PSMD14: variants seen among roughly 807,000 people sequenced by gnomAD.
PSMD14 encodes the protein proteasome 26S subunit, non-ATPase 14, also known as ubiquitin C-terminal hydrolase PSMD14.
A neutral mutation model predicts 41.2 loss-of-function variants in PSMD14; 7 were observed. The ratio of observed to expected loss-of-function variants is 0.17; its 90% CI spans 0.10 to 0.32. PSMD14 has a LOEUF of 0.32. Ranked by LOEUF, PSMD14 falls within the 10% of genes least tolerant of loss-of-function variation. PSMD14 has a pLI of 1.00. For missense variants in PSMD14, 139 were observed against 375.6 expected, an observed-to-expected ratio of 0.37 and a Z score of 5.21; for synonymous variants, 114 against 122.3, an observed-to-expected ratio of 0.93 and a Z score of 0.45.
chr2:161,357,562 G>T (rs79780609), intron 3 of PSMD14, among the ~76,000 whole-genome samples: 1,552 of 152,208 alleles, frequency 0.01, 21 homozygotes, highest in African/African-American at 0.034. Context: ...AATTATTTCA[G>T]TTCCTTGTTT....
At chr2:161,340,332 AC>A (rs1037011967) in intron 3 of PSMD14, among the ~76,000 whole-genome samples, 9 of 152,184 alleles carry the variant, frequency 5.9e-5, no homozygotes, top group Admixed American at 5.9e-4. Flanking sequence ...GGGTCGGCTG[AC>A]CACCCTGACG....
chr2:161,337,805 G>A (rs548721027), intron 3 of PSMD14, among the ~76,000 whole-genome samples: 2 of 152,154 alleles, frequency 1.3e-5, no homozygotes, highest in African/African-American at 4.8e-5. Context: ...GGAGATAAGG[G>A]TTCTGGTTCT....
chr2:161,363,703 GA>G (rs558666469), intron 3 of PSMD14, among the ~76,000 whole-genome samples: 2 of 152,182 alleles, frequency 1.3e-5, no homozygotes, highest in Non-Finnish European at 2.9e-5. Flanking sequence ...CTGTAGCTGT[GA>G]AATGGGAAAA....
rs186899255 is a variant in PSMD14, at chr2:161,364,864, G to A, written c.49-2614G>A. Reference sequence around the variant, plus strand: ...CACGCCTGTAATGCTAGCACTTTGGGAGACTAAGGCGGGTGGATTGCTTGA... The same window carrying A: ...CACGCCTGTAATGCTAGCACTTTGGAAGACTAAGGCGGGTGGATTGCTTGA... On this transcript the variant is annotated intron_variant, in intron 3 of 11. Coordinates refer to ENST00000409682, the MANE Select transcript of PSMD14 (RefSeq NM_005805.6). 2.0e-3 allele frequency among the ~76,000 whole-genome samples: 306 copies of A among 152,240 alleles called. 1 individual carries two copies. The highest frequency in any genetic ancestry group is 3.5e-3 in the Non-Finnish European group (236 of 68,008).
intron 3 of PSMD14, among the ~76,000 whole-genome samples, chr2:161,327,061 G>A (rs1682709936): frequency 6.6e-6 from 1 of 152,102 alleles, no homozygotes; most frequent in African/African-American, 2.4e-5. Context: ...TCTGACATAT[G>A]CTACAACATG....
At chr2:161,338,979 AT>A (rs920253471) in intron 3 of PSMD14, among the ~76,000 whole-genome samples, 30 of 151,920 alleles carry the variant, frequency 2.0e-4, no homozygotes, top group African/African-American at 6.8e-4. Flanking sequence ...TTCATATTTC[AT>A]TTTTTTTGCT....
In PSMD14 at chr2:161,395,222, A is replaced by G; in HGVS notation, c.771+19A>G. ...CAATAAGGTAAAAGTTACTTCTGCC[A>G]TTTCTTCTTTATAATCTTTGGAATA... On this transcript the variant is annotated intron_variant, in intron 10 of 11. Coordinates refer to ENST00000409682, the MANE Select transcript of PSMD14 (RefSeq NM_005805.6). The G allele has an allele frequency of 1.3e-6, 2 of 1,550,292 alleles. No individual in the cohort carries two copies. Among genetic ancestry groups the G allele is most frequent in the Non-Finnish European group, 1.8e-6 (2 of 1,142,454 alleles).
intron 3 of PSMD14, among the ~76,000 whole-genome samples, chr2:161,353,388 C>G (rs1476900432): frequency 6.6e-6 from 1 of 152,164 alleles, no homozygotes; most frequent in African/African-American, 2.4e-5. Context: ...AAGTCACATC[C>G]TCAGAAAAAC....
intron 3 of PSMD14, chr2:161,341,358 C>T (rs1309757994): frequency 1.8e-5 from 18 of 980,676 alleles, no homozygotes; most frequent in African/African-American, 1.8e-5. Flanking sequence ...CGGCCAGCTG[C>T]GACCCCGAGG....
rs143766680 is a variant in PSMD14 at position 161,394,359 on chromosome 2, G to C, written c.646-719G>C. 5.9e-4 allele frequency among the ~76,000 whole-genome samples: 89 copies of C among 152,100 alleles called. 1 individual carries two copies. In the East Asian group the frequency reaches 0.014, roughly 23 times the overall value. On this transcript the variant is annotated intron_variant, in intron 9 of 11. Coordinates refer to ENST00000409682, the MANE Select transcript of PSMD14 (RefSeq NM_005805.6). ...GTTTTAAGTTTTTAAATTATAGATG[G>C]AATACCAGAATTTGAAGGAAACTTT...
At chr2:161,320,526 T>C (rs972169954) in intron 3 of PSMD14, among the ~76,000 whole-genome samples, 1 of 152,284 alleles carries the variant, frequency 6.6e-6, no homozygotes, top group East Asian at 1.9e-4. Flanking sequence ...CTCAATTAGA[T>C]GATAAACTCT....
At chr2:161,379,294 T>C (rs1304563611) in intron 7 of PSMD14, among the ~76,000 whole-genome samples, 1 of 152,004 alleles carries the variant, frequency 6.6e-6, no homozygotes, top group Non-Finnish European at 1.5e-5. Context: ...AGCTTATTAG[T>C]AGTGCCCTGA....
At chr2:161,375,488 C>A (rs1013140432) in intron 7 of PSMD14, among the ~76,000 whole-genome samples, 1 of 151,906 alleles carries the variant, frequency 6.6e-6, no homozygotes, top group Non-Finnish European at 1.5e-5. Flanking sequence ...GTAGGTTGCA[C>A]AAAGTAGATA....
At chr2:161,394,912 T>G (rs1683770117) in intron 9 of PSMD14, among the ~76,000 whole-genome samples, 166 bp from the exon 10 acceptor site, 2 of 152,040 alleles carry the variant, frequency 1.3e-5, no homozygotes. Context: ...CTCCTTAAGT[T>G]ATATTAATAC....
At chr2:161,408,665 T>A (rs530926409) in intron 10 of PSMD14, 172 bp from the exon 11 acceptor site, 1 of 533,598 alleles carries the variant, frequency 1.9e-6, no homozygotes, top group South Asian at 2.2e-5. Context: ...TGATAGTTTT[T>A]ATTGCCCTGA....
chr2:161,351,647 T>C lies in PSMD14; in HGVS notation c.49-15831T>C, dbSNP rs543485968. Reference sequence around the variant, plus strand: ...TGTGCTAGTCAGGAAAGGTTGATTATGTTTCAGGAATAACCTCCAAATCTC... The same window carrying C: ...TGTGCTAGTCAGGAAAGGTTGATTACGTTTCAGGAATAACCTCCAAATCTC... On this transcript the variant is annotated intron_variant, in intron 3 of 11. Coordinates refer to ENST00000409682, the MANE Select transcript of PSMD14 (RefSeq NM_005805.6). Among the ~76,000 whole-genome samples the C allele has an allele frequency of 5.3e-4, 80 of 152,352 alleles. 1 individual carries two copies. The highest frequency in any genetic ancestry group is 1.9e-3 in the African/African-American group (78 of 41,594).
intron 6 of PSMD14, among the ~76,000 whole-genome samples, chr2:161,370,689 G>A (rs1683419915): frequency 6.6e-6 from 1 of 152,076 alleles, no homozygotes; most frequent in South Asian, 2.1e-4. Context: ...TTAGCAAAAG[G>A]CTCAGCAGCT....
chr2:161,327,946 C>CTGTGTGTGTGTGTGTGTG (rs369674882), intron 3 of PSMD14, among the ~76,000 whole-genome samples: 3,746 of 116,946 alleles, frequency 0.032, 219 homozygotes, highest in East Asian at 0.079. Flanking sequence ...CTCATGTAAG[C>CTGTGTGTGTGTGTGTGTG]TGTGTGTGTG....
rs574207767 is a variant in PSMD14 at position 161,353,089 on chromosome 2, C to A, written c.49-14389C>A. Among the ~76,000 whole-genome samples, 181 of 152,248 alleles carry A rather than the reference C, an allele frequency of 1.2e-3. 1 individual carries two copies. Among genetic ancestry groups the A allele is most frequent in the South Asian group, 0.012 (57 of 4,824 alleles). On this transcript the variant is annotated intron_variant, in intron 3 of 11. Coordinates refer to ENST00000409682, the MANE Select transcript of PSMD14 (RefSeq NM_005805.6). ...AACTGTATATTAAAGAGAAAATAAT[C>A]TGGCTTTAAGACTATGAGTCAGATG...
Sources: allele counts gnomAD v4.1 joint callset (sites outside exome capture counted in the v4.1 genomes callset), GRCh38; gene constraint gnomAD v4.1.1; transcripts MANE v1.5; gene names NCBI Gene and HGNC (gene_info 2026-07-23, HGNC 2026-07-21).